CSMD1: variants seen among roughly 807,000 people sequenced by gnomAD.
The protein encoded by CSMD1 is CUB and Sushi multiple domains 1.
CSMD1 carries 213 observed loss-of-function variants against 417.5 expected under a neutral mutation model. The observed-to-expected ratio is 0.51, with a 90% CI of 0.46 to 0.57. The LOEUF is 0.57. Ranked by LOEUF, CSMD1 falls within the 20% of genes least tolerant of loss-of-function variation. The pLI is 0.00. For missense variants in CSMD1, 6,923 were observed against 4,529.7 expected, an observed-to-expected ratio of 1.53 and a Z score of -15.17; for synonymous variants, 2,862 against 1,736.8, an observed-to-expected ratio of 1.65 and a Z score of -16.11.
chr8:3,643,723 G>T (rs1420680568), intron 7 of CSMD1, among the ~76,000 whole-genome samples: 1 of 107,238 alleles, frequency 9.3e-6, no homozygotes, highest in Non-Finnish European at 1.9e-5. Flanking sequence ...AAAAAAAAAA[G>T]GAAATGCCTC....
At chr8:4,032,164 G>C (rs974429688) in intron 3 of CSMD1, 65 bp from the exon 4 acceptor site, 3 of 1,162,102 alleles carry the variant, frequency 2.6e-6, no homozygotes, top group Non-Finnish European at 3.7e-6. Flanking sequence ...CCACTTATAA[G>C]ATAAAACAGA....
chr8:3,503,260 G>C (rs114332293), intron 10 of CSMD1, among the ~76,000 whole-genome samples: 152 of 152,310 alleles, frequency 1.0e-3, no homozygotes, highest in African/African-American at 3.3e-3. Context: ...CTTTATCTGA[G>C]ATGTTTAGCC....
chr8:3,482,742 T>G (rs998278605), intron 11 of CSMD1, among the ~76,000 whole-genome samples: 1 of 152,190 alleles, frequency 6.6e-6, no homozygotes, highest in South Asian at 2.1e-4. Context: ...ATAATAGATC[T>G]TGACATATTC....
chr8:3,807,027 C>T (rs549180498), intron 5 of CSMD1, among the ~76,000 whole-genome samples: 2 of 152,188 alleles, frequency 1.3e-5, no homozygotes, highest in South Asian at 2.1e-4. Flanking sequence ...AATATTGTAA[C>T]CCAGGCAGTC....
intron 7 of CSMD1, among the ~76,000 whole-genome samples, chr8:3,707,219 G>C (rs10110793): frequency 6.6e-6 from 1 of 152,302 alleles, no homozygotes; most frequent in African/African-American, 2.4e-5. Flanking sequence ...TCAAAAGATT[G>C]TGATTGTTTC....
At chr8:4,853,611 G>A (rs1003996020) in intron 1 of CSMD1, among the ~76,000 whole-genome samples, 6 of 152,212 alleles carry the variant, frequency 3.9e-5, no homozygotes, top group African/African-American at 4.8e-5. Flanking sequence ...CAGTGCCAAA[G>A]GGAAATGTGG....
chr8:3,810,718 A>G (rs1467858877), intron 5 of CSMD1, among the ~76,000 whole-genome samples: 1 of 152,162 alleles, frequency 6.6e-6, no homozygotes, highest in African/African-American at 2.4e-5. Context: ...AAAACATTGA[A>G]TTTGTTATGA....
At chr8:3,018,422 T>C in intron 52 of CSMD1, 55 bp downstream of exon 52, 7 of 1,533,176 alleles carry the variant, frequency 4.6e-6, no homozygotes, top group Admixed American at 1.7e-5. Flanking sequence ...ACAGCTGTAA[T>C]CTATTTCTAA....
At chr8:3,994,228 G>A (rs760602970) in intron 5 of CSMD1, among the ~76,000 whole-genome samples, 1 of 149,426 alleles carries the variant, frequency 6.7e-6, no homozygotes, top group Non-Finnish European at 1.5e-5. Flanking sequence ...TGTCACAGAA[G>A]GGTATGGAAG....
chr8:3,768,614 C>G (rs1179376220), intron 5 of CSMD1, among the ~76,000 whole-genome samples: 1 of 152,108 alleles, frequency 6.6e-6, no homozygotes, highest in African/African-American at 2.4e-5. Context: ...TAAATAGAAG[C>G]AGGAATTGAC....
intron 1 of CSMD1, among the ~76,000 whole-genome samples, chr8:4,794,775 C>G (rs1322509792): frequency 1.3e-5 from 2 of 152,124 alleles, no homozygotes; most frequent in East Asian, 3.9e-4. Context: ...TGCCCAAATT[C>G]GGGGACTCTG....
intron 10 of CSMD1, among the ~76,000 whole-genome samples, chr8:3,506,353 T>G (rs1796827277): frequency 6.6e-6 from 1 of 152,174 alleles, no homozygotes; most frequent in Non-Finnish European, 1.5e-5. Flanking sequence ...TGCCGGAGTT[T>G]GCATGCTAAC....
intron 49 of CSMD1, among the ~76,000 whole-genome samples, chr8:3,082,876 T>C (rs1814207923): frequency 2.6e-5 from 4 of 152,224 alleles, no homozygotes; most frequent in Admixed American, 2.6e-4. Context: ...TCCCTACAGA[T>C]GTGCTATGTG....
chr8:3,747,408 G>A (rs1014005320), intron 6 of CSMD1, among the ~76,000 whole-genome samples: 1 of 146,708 alleles, frequency 6.8e-6, no homozygotes, highest in East Asian at 2.1e-4. Flanking sequence ...ATATTATGTA[G>A]ACACAGTATT....
chr8:3,991,939 T>A (rs577051343), intron 5 of CSMD1, among the ~76,000 whole-genome samples: 23 of 152,246 alleles, frequency 1.5e-4, no homozygotes, highest in African/African-American at 5.5e-4. Flanking sequence ...TTTCTTGTTA[T>A]ATAACAAACA....
intron 6 of CSMD1, among the ~76,000 whole-genome samples, chr8:3,746,033 G>A (rs1033143898): frequency 2.6e-5 from 4 of 152,144 alleles, no homozygotes; most frequent in African/African-American, 4.8e-5. Context: ...CATGCTTACC[G>A]TTCCAAAGCA....
intron 3 of CSMD1, among the ~76,000 whole-genome samples, chr8:4,184,059 C>T (rs1273127083): frequency 1.3e-5 from 2 of 152,088 alleles, no homozygotes; most frequent in African/African-American, 4.8e-5. Context: ...TATTATCTAC[C>T]CTGCAATAAT....
At chr8:4,613,363 A>C (rs1432955001) in intron 2 of CSMD1, among the ~76,000 whole-genome samples, 1 of 152,146 alleles carries the variant, frequency 6.6e-6, no homozygotes, top group Non-Finnish European at 1.5e-5. Flanking sequence ...TCACCTCCAC[A>C]CTGGCACACA....
At chr8:4,837,114 AT>A (rs574455989) in intron 1 of CSMD1, among the ~76,000 whole-genome samples, 8 of 152,132 alleles carry the variant, frequency 5.3e-5, no homozygotes, top group Non-Finnish European at 1.2e-4. Flanking sequence ...AAGTAATCTG[AT>A]TTCTAATAGA....
Sources: gnomAD v4.1 joint callset for allele counts (sites outside exome capture counted in the v4.1 genomes callset) on GRCh38, gnomAD v4.1.1 for gene constraint, MANE v1.5 for transcripts, NCBI Gene and HGNC (gene_info 2026-07-23, HGNC 2026-07-21) for gene names.